The following SUCO variants were observed in gnomAD, a reference collection of about 807,000 sequenced individuals.
The protein encoded by SUCO is SUN domain containing ossification factor.
A neutral mutation model predicts 148.1 loss-of-function variants in SUCO; 57 were observed. The observed-to-expected ratio is 0.38, with a 90% CI of 0.31 to 0.48. The LOEUF is 0.48. Ranked by LOEUF, SUCO falls within the 20% of genes least tolerant of loss-of-function variation. The pLI is 0.96. For synonymous variants in SUCO, 470 were observed against 502.7 expected (o/e 0.93, Z 0.87); for missense variants, 1,331 against 1,468.2 (o/e 0.91, Z 1.53).
Position 172,570,032 on chromosome 1 carries a change from A to G in SUCO, c.857-15A>G. ...AATATATATATAAATATTTATAATA[A>G]CGGTTTGTCTGCAGGTCAGTCGATG... On this transcript the variant is annotated splice_polypyrimidine_tract_variant and intron_variant, in intron 7 of 23. Transcript: ENST00000263688. 1 of 1,398,314 alleles carries G rather than the reference A, an allele frequency of 7.2e-7. No homozygotes were observed. The highest frequency in any genetic ancestry group is 9.3e-7 in the Non-Finnish European group (1 of 1,070,058). 86.6% of individuals were successfully genotyped at this position (1,398,314 alleles called of 1,614,324 possible). A position where few individuals can be genotyped will look rare whatever the true frequency, so the allele number is the denominator to read the frequency against.
In SUCO at chr1:172,611,671, A is replaced by G. The variant is rs1290678103; in HGVS notation, c.*1412A>G. On this transcript the variant is annotated 3_prime_UTR_variant, in exon 24 of 24. Transcript: ENST00000263688. ...ATTCAGAGCAAGAGGGCCTGATTTT[A>G]TAGAAGCCCCTTGAAAAGAGGTCCA... The G allele has an allele frequency of 6.6e-6, 1 of 152,622 alleles. No homozygotes were observed. Among genetic ancestry groups the G allele is most frequent in the Non-Finnish European group, 1.5e-5 (1 of 68,032 alleles). 9.5% of individuals were successfully genotyped at this position (152,622 alleles called of 1,614,324 possible).
intron 5 of SUCO, 51 bp from the exon 6 acceptor site, chr1:172,557,593 T>A: frequency 6.6e-7 from 1 of 1,504,714 alleles, no homozygotes. Flanking sequence ...TGTATAGAAT[T>A]TGTTATCCAG....
chr1:172,537,253 A>G (rs1344769008), intron 1 of SUCO, among the ~76,000 whole-genome samples: 2 of 152,192 alleles, frequency 1.3e-5, no homozygotes, highest in African/African-American at 4.8e-5. Flanking sequence ...TATGTAATTA[A>G]TGCAAGTTAG....
At chr1:172,580,534 C>T (rs1191382441) in intron 15 of SUCO, among the ~76,000 whole-genome samples, 1 of 151,994 alleles carries the variant, frequency 6.6e-6, no homozygotes, top group Non-Finnish European at 1.5e-5. Flanking sequence ...TTTTGTTTCC[C>T]TTAATTTGCA....
At chr1:172,533,110 C>T (rs1160485367), upstream of SUCO, 8 of 1,430,850 alleles carry the variant, frequency 5.6e-6, no homozygotes, top group Admixed American at 1.2e-4. Context: ...CCGTTGGTCG[C>T]TGGCCTCACG....
intron 6 of SUCO, among the ~76,000 whole-genome samples, chr1:172,565,711 C>T (rs1384278891): frequency 1.3e-5 from 2 of 152,174 alleles, no homozygotes; most frequent in African/African-American, 4.8e-5. Flanking sequence ...ATAATTGCCA[C>T]ACACAGTTGA....
At chr1:172,602,651 T>G in intron 21 of SUCO, 45 bp from the exon 22 acceptor site, 1 of 1,600,634 alleles carries the variant, frequency 6.2e-7, no homozygotes, top group Non-Finnish European at 8.5e-7. Context: ...AAATTATATG[T>G]GCTTTACTCG....
chr1:172,570,328 A>G (rs1461327297), intron 8 of SUCO, 157 bp downstream of exon 8: 8 of 502,522 alleles, frequency 1.6e-5, no homozygotes, highest in Non-Finnish European at 2.8e-5. Flanking sequence ...TCTTGTATGA[A>G]TTCTTACTTA....
chr1:172,598,828 A>C (rs1657300315), intron 19 of SUCO, among the ~76,000 whole-genome samples: 1 of 152,214 alleles, frequency 6.6e-6, no homozygotes, highest in Admixed American at 6.5e-5. Context: ...CAAAAGAAAC[A>C]ATTTAAAAAG....
Position 172,557,645 on chromosome 1 carries a change from C to A in SUCO, c.583C>A (p.Leu195Ile), listed in dbSNP as rs1653848976. The A allele has an allele frequency of 1.3e-6, 2 of 1,592,076 alleles. No homozygotes were observed. The highest frequency in any genetic ancestry group is 2.7e-5 in the African/African-American group (2 of 73,470). Residue 195 changes from leucine to isoleucine, a missense_variant and splice_region_variant, in exon 6 of 24, where the codon CTT becomes ATT. Physicochemically the swap from Leu to Ile is conservative, Grantham distance 5. This residue lies in a region of SUCO where 992 missense variants were observed against 1,093.5 expected (regional missense o/e 0.91). Transcript: ENST00000263688. ...AATATATCTTTTGGTTTTAAACAGC[C>A]TTGTTGGCCAGCATATAGAAAATGT... is the stretch of plus-strand genomic sequence containing the variant. Reference protein sequence around the residue: ...QPSFVSPPDSLVGQHIENVSS... With the variant: ...QPSFVSPPDSIVGQHIENVSS...
intron 15 of SUCO, among the ~76,000 whole-genome samples, chr1:172,579,854 T>G (rs1395007160): frequency 6.6e-6 from 1 of 152,182 alleles, no homozygotes; most frequent in African/African-American, 2.4e-5. Flanking sequence ...TGTGTAGGTA[T>G]ATTTCAATGA....
rs1163318224 is a variant in SUCO at position 172,575,437 on chromosome 1, T to A, written c.1158-81T>A. The A allele has an allele frequency of 5.9e-6, 6 of 1,015,592 alleles. No homozygotes were observed. The East Asian group carries it at 1.3e-4, about 22-fold the overall frequency. The allele number at this position is 1,015,592 out of a possible 1,614,324, so 62.9% of individuals were successfully genotyped here. A position where few individuals can be genotyped will look rare whatever the true frequency, so the allele number is the denominator to read the frequency against. ...CGTGTTCACCTGGAAAGGAAAAAAA[T>A]TATATTTTGAAAATATGATAGAACC... On this transcript the variant is annotated intron_variant, in intron 10 of 23. Transcript: ENST00000263688.
At chr1:172,571,079 G>T (rs1457755852) in intron 9 of SUCO, among the ~76,000 whole-genome samples, 2 of 152,254 alleles carry the variant, frequency 1.3e-5, no homozygotes. Flanking sequence ...GGAAGTGGCA[G>T]ATGAATGAGG....
At position 172,579,194 on chromosome 1, in the gene SUCO, T is replaced by C. The variant is rs1655687288; in HGVS notation, c.1433-8T>C. ...CAGCATAATTACTTTTATTTTCGTT[T>C]TTAACAGATTATCCACTGGATTATA... is the stretch of plus-strand genomic sequence containing the variant. On this transcript the variant is annotated splice_region_variant and splice_polypyrimidine_tract_variant and intron_variant, in intron 14 of 23. Transcript: ENST00000263688. 2 of 1,543,114 alleles carry C rather than the reference T, an allele frequency of 1.3e-6. No individual in the cohort carries two copies. Among genetic ancestry groups the C allele is most frequent in the Admixed American group, 3.4e-5 (2 of 58,420 alleles).
chr1:172,544,129 CT>C, intron 1 of SUCO: 1 of 971,500 alleles, frequency 1.0e-6, no homozygotes, highest in Non-Finnish European at 1.2e-6. Flanking sequence ...ACAATTTTCA[CT>C]GATAACTTTA....
At chr1:172,579,926 AATT>A (rs1467725238) in intron 15 of SUCO, among the ~76,000 whole-genome samples, 2 of 152,266 alleles carry the variant, frequency 1.3e-5, no homozygotes, top group East Asian at 1.9e-4. Context: ...TTTATTTGAA[AATT>A]ATTAATCAAA....
chr1:172,534,899 G>A (rs1024373975), intron 1 of SUCO, among the ~76,000 whole-genome samples: 8 of 152,036 alleles, frequency 5.3e-5, no homozygotes, highest in Non-Finnish European at 1.2e-4. Flanking sequence ...TTTCTGAAAT[G>A]GCTAATAAGG....
In SUCO at chr1:172,602,632, C is replaced by T. The variant is rs1406010940; in HGVS notation, c.3174-64C>T. 2.5e-6 allele frequency: 4 copies of T among 1,584,274 alleles called. No homozygotes were observed. In the African/African-American group the frequency reaches 5.4e-5, roughly 21 times the overall value. On this transcript the variant is annotated intron_variant, in intron 21 of 23. Transcript: ENST00000263688. ...CTCAATAACCTCTGTGTAGCCTCAA[C>T]AAAAGAGTAAATTATATGTGCTTTA... is the stretch of plus-strand genomic sequence containing the variant.
intron 20 of SUCO, 196 bp from the exon 21 acceptor site, chr1:172,601,868 A>G: frequency 5.8e-6 from 1 of 173,444 alleles, no homozygotes; most frequent in Non-Finnish European, 1.1e-5. Flanking sequence ...ACTCCTATAG[A>G]AAGAATTGGA....
Sources: gnomAD v4.1 joint callset for allele counts (sites outside exome capture counted in the v4.1 genomes callset) on GRCh38, gnomAD v4.1.1 for gene constraint, gnomAD v4.1.1 regional missense constraint, MANE v1.5 for transcripts, NCBI Gene and HGNC (gene_info 2026-07-23, HGNC 2026-07-21) for gene names.